The following MBP variants were observed in gnomAD, a reference collection of about 807,000 sequenced individuals.
MBP encodes myelin basic protein, also known as Golli-MBP.
A neutral mutation model predicts 35.8 loss-of-function variants in MBP; 16 were observed. The observed-to-expected ratio is 0.45, with a 90% confidence interval of 0.30 to 0.68. The LOEUF (loss-of-function observed/expected upper bound fraction) is 0.68, where lower values mean the gene tolerates loss of function less well. Among genes scored for constraint, MBP ranks in the 30% least tolerant of loss-of-function variants. The probability of loss-of-function intolerance (pLI) is 0.08; values close to 1 mark genes in which losing one functional copy is unlikely to be tolerated. For missense variants in MBP, 380 were observed against 404.7 expected (o/e 0.94, Z 0.52); for synonymous variants, 143 against 159.6 (o/e 0.90, Z 0.78).
chr18:77,012,416 G>A (rs1383577982), intron 4 of MBP, among the ~76,000 whole-genome samples: 1 of 152,216 alleles, frequency 6.6e-6, no homozygotes, highest in Non-Finnish European at 1.5e-5. Context: ...ATGATGCTTT[G>A]AGAGAAACAC....
chr18:77,120,658 T>C (rs1976861358), intron 1 of MBP, among the ~76,000 whole-genome samples: 1 of 151,924 alleles, frequency 6.6e-6, no homozygotes, highest in Non-Finnish European at 1.5e-5. Flanking sequence ...CCAGAGAGAG[T>C]GGCAAGAAAA....
chr18:76,986,793 A>G (rs1455944818), intron 7 of MBP: 10 of 985,342 alleles, frequency 1.0e-5, no homozygotes, highest in African/African-American at 1.7e-5. Context: ...CTCCAAAAAT[A>G]AAGCATTTTT....
In MBP at chr18:77,044,879, C is replaced by T. The variant is rs1302512901; in HGVS notation, c.139+21419G>A. On this transcript the variant is annotated intron_variant, in intron 3 of 8. Coordinates refer to ENST00000355994, the MANE Select transcript of MBP (RefSeq NM_001025101.2). The surrounding 1 kb of genome is among the most constrained non-coding windows in gnomAD (Gnocchi z 4.4). ...CTGTAAGGTTGTTGTCTGTTGTATC[C>T]TGTGTGTAAGTGTGTGTGACTGTGT... Among the ~76,000 whole-genome samples the T allele has an allele frequency of 6.7e-6, 1 of 150,036 alleles. No individual in the cohort carries two copies. Among genetic ancestry groups the T allele is most frequent in the African/African-American group, 2.4e-5 (1 of 40,900 alleles).
At chr18:77,014,025 C>A in intron 4 of MBP, 1 of 985,458 alleles carries the variant, frequency 1.0e-6, no homozygotes, top group Non-Finnish European at 1.2e-6. Flanking sequence ...CTCACCCATT[C>A]CTCATGTGAC....
intron 3 of MBP, among the ~76,000 whole-genome samples, chr18:77,040,722 A>G (rs1972957183): frequency 6.6e-6 from 1 of 152,248 alleles, no homozygotes; most frequent in Non-Finnish European, 1.5e-5. Context: ...AAAACTGGCT[A>G]GCCATATGTA....
intron 4 of MBP, chr18:77,013,572 A>G (rs1370427077): frequency 1.1e-5 from 11 of 985,480 alleles, no homozygotes; most frequent in Non-Finnish European, 1.3e-5. Context: ...ACTGAATGAC[A>G]AACAGTTCTT....
chr18:77,106,335 C>T (rs1195407780), intron 1 of MBP, among the ~76,000 whole-genome samples: 4 of 152,168 alleles, frequency 2.6e-5, no homozygotes, highest in Non-Finnish European at 2.9e-5. Context: ...CCCATGTTAC[C>T]GGGGTCCCTT....
intron 4 of MBP, chr18:77,009,952 C>A (rs1356563636): frequency 1.3e-6 from 2 of 1,535,742 alleles, no homozygotes; most frequent in Non-Finnish European, 1.8e-6. Flanking sequence ...GAGTGGGCTG[C>A]GTGAGTCCGG....
chr18:76,997,518 T>C (rs1970338567), intron 4 of MBP, among the ~76,000 whole-genome samples: 1 of 152,228 alleles, frequency 6.6e-6, no homozygotes, highest in Non-Finnish European at 1.5e-5. Flanking sequence ...TGAGCTTTTA[T>C]ATTGGTTGTT....
chr18:77,015,978 A>G (rs1381510809), intron 4 of MBP: 1 of 985,126 alleles, frequency 1.0e-6, no homozygotes, highest in East Asian at 1.1e-4. Context: ...TTTGGGAAAA[A>G]CTTCTTTCTC....
chr18:77,087,967 G>T (rs1204531734), intron 2 of MBP, among the ~76,000 whole-genome samples: 1 of 152,096 alleles, frequency 6.6e-6, no homozygotes, highest in African/African-American at 2.4e-5. Context: ...GCGCCTGGAG[G>T]GGAGCGGGAG....
chr18:77,099,957 A>G (rs1247067266), intron 2 of MBP, among the ~76,000 whole-genome samples: 1 of 152,256 alleles, frequency 6.6e-6, no homozygotes, highest in Non-Finnish European at 1.5e-5. Context: ...GAGGTGTCAG[A>G]CATGGCGGCA....
At chr18:77,040,084 C>T (rs960216010) in intron 3 of MBP, among the ~76,000 whole-genome samples, 1 of 152,224 alleles carries the variant, frequency 6.6e-6, no homozygotes, top group Non-Finnish European at 1.5e-5. Flanking sequence ...AACGAATATG[C>T]ACCTGCCTTG....
intron 4 of MBP, among the ~76,000 whole-genome samples, chr18:77,011,341 C>T (rs1480015665): frequency 1.3e-5 from 2 of 152,176 alleles, no homozygotes; most frequent in African/African-American, 2.4e-5. Flanking sequence ...TGTCCATGAG[C>T]GTGAGCAAGT....
intron 4 of MBP, among the ~76,000 whole-genome samples, chr18:77,009,423 T>G (rs1357946542): frequency 6.6e-6 from 1 of 152,226 alleles, no homozygotes; most frequent in Admixed American, 6.5e-5. Context: ...TAGTGAGTAC[T>G]AAATGTCTGC....
intron 2 of MBP, among the ~76,000 whole-genome samples, chr18:77,066,903 T>A (rs940930398): frequency 4.6e-5 from 7 of 152,186 alleles, no homozygotes; most frequent in Non-Finnish European, 1.0e-4. Context: ...GTTGTGGTGT[T>A]ATGGGGTGGG....
chr18:77,076,123 C>T (rs1020988668), intron 2 of MBP, among the ~76,000 whole-genome samples: 3 of 152,236 alleles, frequency 2.0e-5, no homozygotes, highest in Admixed American at 6.5e-5. Context: ...GAATCCACTG[C>T]CTGCCTCTCA....
Position 76,989,794 on chromosome 18 carries a change from C to G in MBP, c.681+162G>C. On this transcript the variant is annotated intron_variant, in intron 5 of 8. Transcript: ENST00000355994. The surrounding 1 kb of genome is among the most constrained non-coding windows in gnomAD (Gnocchi z 4.0). ...ACAGTCGGGAAGCGCTTGCCTGGAA[C>G]TCGCGATCAGGTGCGAGGGGGGAGT... The G allele has an allele frequency of 1.6e-6, 1 of 627,194 alleles. No homozygotes were observed. 38.9% of individuals were successfully genotyped at this position (627,194 alleles called of 1,614,324 possible). A position where few individuals can be genotyped will look rare whatever the true frequency, so the allele number is the denominator to read the frequency against.
chr18:77,049,339 G>A (rs1973388710), intron 3 of MBP, among the ~76,000 whole-genome samples: 1 of 152,184 alleles, frequency 6.6e-6, no homozygotes, highest in African/African-American at 2.4e-5. Context: ...ATAATAAAAA[G>A]CCTTGATGCA....
Sources: gnomAD v4.1 joint callset for allele counts (sites outside exome capture counted in the v4.1 genomes callset) on GRCh38, gnomAD v4.1.1 for gene constraint, Gnocchi (gnomAD v3.1) non-coding constraint, MANE v1.5 for transcripts, NCBI Gene and HGNC (gene_info 2026-07-23, HGNC 2026-07-21) for gene names.